PDE6D: variants seen among roughly 807,000 people sequenced by gnomAD.
PDE6D encodes the protein phosphodiesterase 6D.
In PDE6D, 10 loss-of-function variants were observed where a neutral mutation model predicts 21.9. That is an observed-to-expected ratio of 0.46 (90% CI 0.28 to 0.78). The LOEUF is 0.78. PDE6D is among the 30% of genes least tolerant of loss of function. The pLI is 0.12. For synonymous variants in PDE6D, 59 were observed against 63.5 expected (o/e 0.93, Z 0.34); for missense variants, 139 against 184.8 (o/e 0.75, Z 1.44).
At position 231,737,371 on chromosome 2, in the gene PDE6D, T is replaced by C. The variant is rs2106260610; in HGVS notation, c.266-79A>G. On this transcript the variant is annotated intron_variant, in intron 3 of 4. Transcript: ENST00000287600. The stretch of plus-strand genomic sequence containing the variant: ...GGGCTCTTTGTCTCCCTCTCTAGAG[T>C]GAGCCTCTTCCTACCCTGAGAACCA... The C allele has an allele frequency of 5.6e-6, 4 of 719,384 alleles. No homozygotes were observed. In the East Asian group the frequency reaches 1.1e-4, roughly 19 times the overall value. 44.6% of individuals were successfully genotyped at this position (719,384 alleles called of 1,614,324 possible).
chr2:231,743,152 G>A (rs766637933), intron 1 of PDE6D, among the ~76,000 whole-genome samples: 33 of 152,038 alleles, frequency 2.2e-4, no homozygotes, highest in Middle Eastern at 3.4e-3. Flanking sequence ...TCGGCTGGGC[G>A]TCGTGGCTCA....
At chr2:231,746,474 A>C (rs1280198010) in intron 1 of PDE6D, among the ~76,000 whole-genome samples, 2 of 152,170 alleles carry the variant, frequency 1.3e-5, no homozygotes, top group Admixed American at 6.6e-5. Context: ...CTCCAAGATA[A>C]TTCTTCTTCC....
At chr2:231,773,970 G>A (rs1250747600) in intron 1 of PDE6D, among the ~76,000 whole-genome samples, 1 of 152,080 alleles carries the variant, frequency 6.6e-6, no homozygotes, top group Non-Finnish European at 1.5e-5. Context: ...GTCTCACTCT[G>A]TTACCCAGGC....
chr2:231,755,335 G>A (rs1002508755), intron 1 of PDE6D, among the ~76,000 whole-genome samples: 4 of 152,132 alleles, frequency 2.6e-5, no homozygotes, highest in Non-Finnish European at 5.9e-5. Flanking sequence ...CTTGTAAAAA[G>A]ACCCAGAAAA....
At chr2:231,747,567 C>A (rs981515099) in intron 1 of PDE6D, among the ~76,000 whole-genome samples, 8 of 152,070 alleles carry the variant, frequency 5.3e-5, no homozygotes, top group African/African-American at 1.9e-4. Context: ...TGGTTTTCCC[C>A]GCTTCTATTC....
rs2106294378 is a variant in PDE6D at position 231,781,193 on chromosome 2, A to G, written c.-79T>C. ...GACGGTGCCCAGGAGCCGAGGATGG[A>G]GCCGCAGCCCGGCTTGGAGACCTCG... On this transcript the variant is annotated 5_prime_UTR_variant, in exon 1 of 5. Coordinates refer to ENST00000287600, the MANE Select transcript of PDE6D (RefSeq NM_002601.4). The G allele has an allele frequency of 6.9e-7, 1 of 1,439,462 alleles. No homozygotes were observed. Among genetic ancestry groups the G allele is most frequent in the Non-Finnish European group, 9.7e-7 (1 of 1,029,464 alleles). The allele number at this position is 1,439,462 out of a possible 1,614,324, so 89.2% of individuals were successfully genotyped here.
At chr2:231,761,217 CA>C (rs986988103) in intron 1 of PDE6D, among the ~76,000 whole-genome samples, 4 of 152,028 alleles carry the variant, frequency 2.6e-5, no homozygotes, top group Non-Finnish European at 5.9e-5. Context: ...CTCTGTCGCC[CA>C]GGTTGGACTG....
intron 1 of PDE6D, among the ~76,000 whole-genome samples, chr2:231,753,166 C>T (rs1298440426): frequency 6.6e-6 from 1 of 151,386 alleles, no homozygotes; most frequent in Admixed American, 6.6e-5. Context: ...AGCCTCCCAA[C>T]TCATTTTTCT....
In PDE6D at chr2:231,781,160, G is replaced by T; in HGVS notation, c.-46C>A. The T allele has an allele frequency of 6.3e-7, 1 of 1,598,572 alleles. No homozygotes were observed. The highest frequency in any genetic ancestry group is 8.6e-7 in the Non-Finnish European group (1 of 1,168,502). ...CGGCTTTCTCACTCTGGTCGGCGGA[G>T]CCTCGCAGACGGTGCCCAGGAGCCG... On this transcript the variant is annotated 5_prime_UTR_variant, in exon 1 of 5. Coordinates refer to ENST00000287600, the MANE Select transcript of PDE6D (RefSeq NM_002601.4).
chr2:231,743,671 AC>A (rs1196869101), intron 1 of PDE6D, among the ~76,000 whole-genome samples: 1 of 150,176 alleles, frequency 6.7e-6, no homozygotes, highest in African/African-American at 2.5e-5. Flanking sequence ...GTTCCTCTCC[AC>A]CCGTGTGATC....
chr2:231,749,579 T>C (rs1240570811), intron 1 of PDE6D, among the ~76,000 whole-genome samples: 1 of 151,298 alleles, frequency 6.6e-6, no homozygotes, highest in Admixed American at 6.6e-5. Flanking sequence ...CTGTTCAGGC[T>C]GGAGTGCAGT....
At chr2:231,767,397 G>A (rs2048979932) in intron 1 of PDE6D, among the ~76,000 whole-genome samples, 1 of 151,540 alleles carries the variant, frequency 6.6e-6, no homozygotes, top group Non-Finnish European at 1.5e-5. Context: ...CTCACTGCAA[G>A]CTCTGCCTCC....
At chr2:231,766,822 T>C (rs1244466836) in intron 1 of PDE6D, among the ~76,000 whole-genome samples, 1 of 151,620 alleles carries the variant, frequency 6.6e-6, no homozygotes, top group East Asian at 1.9e-4. Context: ...TGAAACCCTG[T>C]CTCTACTAAA....
chr2:231,766,847 T>C (rs1057499647), intron 1 of PDE6D, among the ~76,000 whole-genome samples: 1 of 151,568 alleles, frequency 6.6e-6, no homozygotes, highest in Non-Finnish European at 1.5e-5. Context: ...CAAAAATCAG[T>C]TGGGCATGGT....
intron 1 of PDE6D, among the ~76,000 whole-genome samples, chr2:231,749,539 G>GT (rs1457284784): frequency 7.3e-6 from 1 of 136,364 alleles, no homozygotes; most frequent in Non-Finnish European, 1.6e-5. Context: ...GTCTCACTCT[G>GT]TTTTATTTTT....
chr2:231,774,788 A>C (rs1268323812), intron 1 of PDE6D, among the ~76,000 whole-genome samples: 1 of 151,806 alleles, frequency 6.6e-6, no homozygotes, highest in East Asian at 1.9e-4. Context: ...ACGGGGTTTC[A>C]CCATGTTGGC....
intron 1 of PDE6D, among the ~76,000 whole-genome samples, chr2:231,774,355 TGA>T (rs2049038120): frequency 6.6e-6 from 1 of 152,086 alleles, no homozygotes; most frequent in African/African-American, 2.4e-5. Context: ...TCTGATAATA[TGA>T]GATACAGATG....
chr2:231,759,001 A>G (rs1280716015), intron 1 of PDE6D, among the ~76,000 whole-genome samples: 1 of 152,134 alleles, frequency 6.6e-6, no homozygotes. Context: ...GTGGATGAAC[A>G]AAGGGTTGAG....
In PDE6D at chr2:231,732,684, T is replaced by G. The variant is rs981841844; in HGVS notation, c.*268A>C. 11 of 343,308 alleles carry G rather than the reference T, an allele frequency of 3.2e-5. No homozygotes were observed. The highest frequency in any genetic ancestry group is 8.5e-4 in the Middle Eastern group (1 of 1,176). The allele number at this position is 343,308 out of a possible 1,614,324, so 21.3% of individuals were successfully genotyped here. A position where few individuals can be genotyped will look rare whatever the true frequency, so the allele number is the denominator to read the frequency against. ...GTTTGTGGTATGTGTTTGTTCCCTG[T>G]GTGTATGCTGGGAAGGACTTGAGAC... On this transcript the variant is annotated 3_prime_UTR_variant, in exon 5 of 5. Transcript: ENST00000287600.
Sources: gnomAD v4.1 joint callset for allele counts (sites outside exome capture counted in the v4.1 genomes callset) on GRCh38, gnomAD v4.1.1 for gene constraint, MANE v1.5 for transcripts, NCBI Gene and HGNC (gene_info 2026-07-23, HGNC 2026-07-21) for gene names.